The following TBC1D1 variants were observed in gnomAD, a reference collection of about 807,000 sequenced individuals.
TBC1D1 encodes TBC1 domain family member 1.
A neutral mutation model predicts 125.6 loss-of-function variants in TBC1D1; 89 were observed. That is an observed-to-expected ratio of 0.71 (90% CI 0.60 to 0.85). The LOEUF (loss-of-function observed/expected upper bound fraction) is 0.85, where lower values mean the gene tolerates loss of function less well. Ranked by LOEUF, TBC1D1 falls within the 40% of genes least tolerant of loss-of-function variation. The pLI is 0.00. For synonymous variants in TBC1D1, 565 were observed against 564.1 expected (o/e 1.00, Z -0.02); for missense variants, 1,377 against 1,469.2 (o/e 0.94, Z 1.03).
At chr4:38,105,288 C>T (rs1268848736) in intron 15 of TBC1D1, among the ~76,000 whole-genome samples, 2 of 152,170 alleles carry the variant, frequency 1.3e-5, no homozygotes, top group Admixed American at 1.3e-4. Flanking sequence ...GACTTAAACT[C>T]CTTTCTTTAA....
At chr4:37,926,414 T>C (rs928175619) in intron 2 of TBC1D1, among the ~76,000 whole-genome samples, 30 of 152,232 alleles carry the variant, frequency 2.0e-4, no homozygotes, top group Admixed American at 1.1e-3. Context: ...GAGGTGGCCT[T>C]GCTCCATCGC....
At chr4:37,912,763 G>A (rs1718888210) in intron 2 of TBC1D1, among the ~76,000 whole-genome samples, 1 of 152,138 alleles carries the variant, frequency 6.6e-6, no homozygotes, top group African/African-American at 2.4e-5. Context: ...TCCATCTTGG[G>A]AGGAGAGACT....
Position 37,996,590 on chromosome 4 carries a change from T to C in TBC1D1, c.418-17919T>C, listed in dbSNP as rs549468470. On this transcript the variant is annotated intron_variant, in intron 2 of 19. Coordinates refer to ENST00000261439, the MANE Select transcript of TBC1D1 (RefSeq NM_015173.4). ...GGTTCTTGAACACATGTGATAAGTT[T>C]TACTCAAGAATGCAGTTAGTGCTGT... is the stretch of plus-strand genomic sequence containing the variant. Among the ~76,000 whole-genome samples, 4 of 152,376 alleles carry C rather than the reference T, an allele frequency of 2.6e-5. No individual in the cohort carries two copies. In the South Asian group the frequency reaches 8.3e-4, roughly 32 times the overall value.
Position 38,014,061 on chromosome 4 carries a change from A to G in TBC1D1, c.418-448A>G, listed in dbSNP as rs1182124996. On this transcript the variant is annotated intron_variant, in intron 2 of 19. Transcript: ENST00000261439. This position sits in a 1 kb window ranked among gnomAD's most constrained non-coding sequence, Gnocchi z 5.1. ...TCCAAAGTATACTGCCATGAGATCTAGAATAATTGAGTCATGTTTTGTGAA... is the reference window on the plus strand; with the variant it reads ...TCCAAAGTATACTGCCATGAGATCTGGAATAATTGAGTCATGTTTTGTGAA... Among the ~76,000 whole-genome samples the G allele has an allele frequency of 6.6e-6, 1 of 152,216 alleles. No individual in the cohort carries two copies. Among genetic ancestry groups the G allele is most frequent in the African/African-American group, 2.4e-5 (1 of 41,460 alleles).
chr4:37,947,512 G>A (rs1221347998), intron 2 of TBC1D1, among the ~76,000 whole-genome samples: 1 of 152,116 alleles, frequency 6.6e-6, no homozygotes, highest in African/African-American at 2.4e-5. Context: ...CCAGGCTGGA[G>A]TATAGTCGTG....
At chr4:38,123,934 A>G (rs1041318876) in intron 17 of TBC1D1, among the ~76,000 whole-genome samples, 8 of 152,072 alleles carry the variant, frequency 5.3e-5, no homozygotes, top group African/African-American at 1.9e-4. Context: ...TTTAAATGTT[A>G]TCATATTAAC....
intron 2 of TBC1D1, among the ~76,000 whole-genome samples, chr4:37,990,319 G>GT (rs200009632): frequency 0.29 from 42,590 of 148,148 alleles, 6,428 homozygotes; most frequent in African/African-American, 0.41. Flanking sequence ...AAAACATTGA[G>GT]TTTTTTTTTT....
At position 38,094,467 on chromosome 4, in the gene TBC1D1, G is replaced by T. The variant is rs561649807; in HGVS notation, c.2237-1462G>T. ...TTAATATTGCGAACAGCTGGTTCCT[G>T]TATCTGAAGTTCTTGCCCTGGAGCC... On this transcript the variant is annotated intron_variant, in intron 13 of 19. Coordinates refer to ENST00000261439, the MANE Select transcript of TBC1D1 (RefSeq NM_015173.4). Among the ~76,000 whole-genome samples the T allele has an allele frequency of 3.9e-4, 60 of 152,302 alleles. 1 individual carries two copies. In the South Asian group the frequency reaches 6.6e-3, roughly 17 times the overall value.
At chr4:37,994,820 G>T (rs1737422412) in intron 2 of TBC1D1, among the ~76,000 whole-genome samples, 1 of 152,028 alleles carries the variant, frequency 6.6e-6, no homozygotes, top group Non-Finnish European at 1.5e-5. Flanking sequence ...TCATTCTTTT[G>T]TTCTCCAGGC....
chr4:38,077,052 A>G (rs922978202), intron 12 of TBC1D1, among the ~76,000 whole-genome samples: 2 of 152,026 alleles, frequency 1.3e-5, no homozygotes, highest in Admixed American at 6.6e-5. Context: ...TGTTCCTTCT[A>G]CCTCTTAGGA....
At chr4:37,963,206 C>T (rs1000614560) in intron 2 of TBC1D1, among the ~76,000 whole-genome samples, 2 of 152,148 alleles carry the variant, frequency 1.3e-5, no homozygotes, top group South Asian at 2.1e-4. Context: ...TAAAGAAATA[C>T]CTGAGACTGG....
In TBC1D1 at chr4:38,014,934, G is replaced by C; in HGVS notation, c.843G>C (p.Gln281His). 6.4e-7 allele frequency: 1 copy of C among 1,565,318 alleles called. No individual in the cohort carries two copies. ...TCATTAGCGGACACAATATTGTGCA[G>C]CCCACAGATATCGAGGAAAATCGAA... Residue 281 changes from glutamine to histidine, a missense_variant, in exon 3 of 20, where the codon CAG becomes CAC. Gln to His is a conservative substitution (Grantham distance 24). This residue lies in a region of TBC1D1 where 822 missense variants were observed against 824.6 expected (regional missense o/e 1.00). Coordinates refer to ENST00000261439, the MANE Select transcript of TBC1D1 (RefSeq NM_015173.4). The surrounding 1 kb of genome is among the most constrained non-coding windows in gnomAD (Gnocchi z 5.1).
At chr4:37,936,411 A>G (rs1724404454) in intron 2 of TBC1D1, among the ~76,000 whole-genome samples, 1 of 152,198 alleles carries the variant, frequency 6.6e-6, no homozygotes. Flanking sequence ...ACCGCAACAT[A>G]AATGTCTGCT....
intron 2 of TBC1D1, chr4:37,960,760 A>G (rs1387411369): frequency 6.2e-7 from 1 of 1,614,152 alleles, no homozygotes; most frequent in South Asian, 1.1e-5. Flanking sequence ...GCCTCAGATG[A>G]CGCCTATCCA....
chr4:38,018,431 C>A lies in TBC1D1; in HGVS notation c.960C>A (p.Ser320=). 6.2e-7 allele frequency: 1 copy of A among 1,606,678 alleles called. No individual in the cohort carries two copies. The stretch of plus-strand genomic sequence containing the variant: ...TGGAGAAAAATTTTAAGGAGATATC[C>A]TTTTGCTCTCAGGTAAATGGAGATG... The change falls in exon 4 of 20, where the codon TCC becomes TCA. Residue 320 remains serine, a synonymous_variant. Coordinates refer to ENST00000261439, the MANE Select transcript of TBC1D1 (RefSeq NM_015173.4).
Position 37,902,504 on chromosome 4 carries a change from C to A in TBC1D1, c.409C>A (p.Gln137Lys). 1.3e-6 allele frequency: 2 copies of A among 1,593,112 alleles called. No homozygotes were observed. The highest frequency in any genetic ancestry group is 1.1e-5 in the South Asian group (1 of 88,358). Residue 137 changes from glutamine (Q) to lysine (K), a missense_variant, in exon 2 of 20, where the codon CAA (glutamine) becomes AAA (lysine). By Grantham distance (53) the Gln-to-Lys change is moderately conservative. This residue lies in a region of TBC1D1 where 822 missense variants were observed against 824.6 expected (regional missense o/e 1.00). Transcript: ENST00000261439. The stretch of plus-strand genomic sequence containing the variant: ...CTGCTATGTGTTCAAAGCCGATGAT[C>A]AAACAAAAGTAAGTGAGATGGAGAT...
At chr4:37,949,669 C>T (rs919892421) in intron 2 of TBC1D1, among the ~76,000 whole-genome samples, 16 of 152,168 alleles carry the variant, frequency 1.1e-4, no homozygotes, top group Admixed American at 9.8e-4. Context: ...TCCTTCCAGA[C>T]GTTCTACATG....
chr4:38,055,558 C>G (rs555682460), intron 12 of TBC1D1, among the ~76,000 whole-genome samples: 2 of 152,140 alleles, frequency 1.3e-5, no homozygotes, highest in Non-Finnish European at 2.9e-5. Flanking sequence ...GAGCCTGGCC[C>G]CTTGCTTCTT....
chr4:38,052,194 T>TGTGTGTGTGTGCGTGC (rs755025486), intron 11 of TBC1D1, 134 bp downstream of exon 12: 1 of 564,364 alleles, frequency 1.8e-6, no homozygotes, highest in African/African-American at 2.0e-5. Context: ...TGTGTGTGTG[T>TGTGTGTGTGTGCGTGC]GCGCGCGCGT....
Sources: gnomAD v4.1 joint callset for allele counts (sites outside exome capture counted in the v4.1 genomes callset) on GRCh38, gnomAD v4.1.1 for gene constraint, gnomAD v4.1.1 regional missense constraint, Gnocchi (gnomAD v3.1) non-coding constraint, MANE v1.5 for transcripts, NCBI Gene and HGNC (gene_info 2026-07-23, HGNC 2026-07-21) for gene names.